FHIP1A: variants seen among roughly 807,000 people sequenced by gnomAD.
The protein encoded by FHIP1A is FHF complex subunit HOOK-interacting protein 1A.
In FHIP1A, 61 loss-of-function variants were observed where a neutral mutation model predicts 88.6. The observed-to-expected ratio is 0.69, with a 90% CI of 0.56 to 0.85. The LOEUF is 0.85. FHIP1A is among the 40% of genes least tolerant of loss of function. FHIP1A has a pLI of 0.00. For missense variants in FHIP1A, 1,154 were observed against 1,273.5 expected (o/e 0.91, Z 1.43); for synonymous variants, 478 against 496.0 (o/e 0.96, Z 0.48).
chr4:151,472,806 A>G (rs909360631), intron 2 of FHIP1A, among the ~76,000 whole-genome samples: 1 of 152,152 alleles, frequency 6.6e-6, no homozygotes, highest in African/African-American at 2.4e-5. Context: ...GGGATTATAA[A>G]ACATGCAGCA....
In FHIP1A at chr4:151,422,196, T is replaced by C. The variant is rs902192273; in HGVS notation, c.-356+12731T>C. Among the ~76,000 whole-genome samples, 6 of 149,598 alleles carry C rather than the reference T, an allele frequency of 4.0e-5. No homozygotes were observed. The Admixed American group carries it at 4.0e-4, about 10-fold the overall frequency. Reference sequence around the variant, plus strand: ...AGAAAAAAAAAGAAGCAGTTGACCATTAACAAATATTTATGAGACATTAAA... The same window carrying C: ...AGAAAAAAAAAGAAGCAGTTGACCACTAACAAATATTTATGAGACATTAAA... On this transcript the variant is annotated intron_variant, in intron 1 of 13. Coordinates refer to ENST00000435205, the MANE Select transcript of FHIP1A (RefSeq NM_001109977.3).
chr4:151,573,580 T>C (rs905520489), intron 4 of FHIP1A, among the ~76,000 whole-genome samples: 1 of 152,118 alleles, frequency 6.6e-6, no homozygotes, highest in Non-Finnish European at 1.5e-5. Flanking sequence ...TTGTTTTTTT[T>C]CTCCTGAGCT....
chr4:151,603,249 G>T (rs1390915168), intron 7 of FHIP1A, among the ~76,000 whole-genome samples: 1 of 151,854 alleles, frequency 6.6e-6, no homozygotes, highest in Non-Finnish European at 1.5e-5. Flanking sequence ...GGAGGTGGAG[G>T]TTGCGGTGAG....
In FHIP1A at chr4:151,564,085, C is replaced by T. The variant is rs17027694; in HGVS notation, c.-122-2053C>T. Among the ~76,000 whole-genome samples, 962 of 152,312 alleles carry T rather than the reference C, an allele frequency of 6.3e-3. 8 individuals are homozygous for T. The highest frequency in any genetic ancestry group is 0.021 in the African/African-American group (876 of 41,566). On this transcript the variant is annotated intron_variant, in intron 3 of 13. Transcript: ENST00000435205. ...TATCCTGTCTATACTGCATTCTCAC[C>T]GTTTCTGAGAAGATTGCATGTAAAT...
Position 151,656,266 on chromosome 4 carries a change from G to C in FHIP1A, c.2586G>C (p.Glu862Asp), listed in dbSNP as rs1737229312. Residue 862 changes from glutamate to aspartate, a missense_variant, in exon 12 of 14, where the codon GAG becomes GAC. Coordinates refer to ENST00000435205, the MANE Select transcript of FHIP1A (RefSeq NM_001109977.3). This position sits in a 1 kb window ranked among gnomAD's most constrained non-coding sequence, Gnocchi z 4.2. Reference protein sequence around the residue: ...PFISVVLSKLENMLENSLHVN... With the variant: ...PFISVVLSKLDNMLENSLHVN... ...TCAGCGTAGTCCTGTCAAAGCTGGA[G>C]AACATGCTGGAGAACTCTTTACATG... 11 of 1,551,666 alleles carry C rather than the reference G, an allele frequency of 7.1e-6. No individual in the cohort carries two copies. Among genetic ancestry groups the C allele is most frequent in the Non-Finnish European group, 8.7e-6 (10 of 1,146,974 alleles).
At chr4:151,439,787 A>G (rs186468141) in intron 1 of FHIP1A, among the ~76,000 whole-genome samples, 1 of 152,304 alleles carries the variant, frequency 6.6e-6, no homozygotes, top group Admixed American at 6.5e-5. Flanking sequence ...TCTCTGGGGA[A>G]CTCATCACTT....
chr4:151,419,231 T>G (rs1733019138), intron 1 of FHIP1A, among the ~76,000 whole-genome samples: 1 of 152,192 alleles, frequency 6.6e-6, no homozygotes, highest in African/African-American at 2.4e-5. Context: ...ACAAAAAGAC[T>G]GAGTAAGGGA....
rs1292492275 is a variant in FHIP1A at position 151,656,872 on chromosome 4, A to G, written c.2843A>G (p.Asp948Gly). 6.4e-6 allele frequency: 10 copies of G among 1,551,506 alleles called. No homozygotes were observed. Among genetic ancestry groups the G allele is most frequent in the African/African-American group, 1.4e-5 (1 of 73,022 alleles). ...QYLLFRVDMS[D>G]MTPAALTKDP... ...CTGCTCTTCCGTGTGGACATGTCTG[A>G]TATGACCCCTGCAGCACTAACCAAA... is the stretch of plus-strand genomic sequence containing the variant. Residue 948 changes from aspartate to glycine, a missense_variant, in exon 13 of 14, where the codon GAT (aspartate) becomes GGT (glycine). Asp to Gly is a moderately conservative substitution (Grantham distance 94). Coordinates refer to ENST00000435205, the MANE Select transcript of FHIP1A (RefSeq NM_001109977.3). The surrounding 1 kb of genome is among the most constrained non-coding windows in gnomAD (Gnocchi z 4.2).
At chr4:151,601,696 T>C (rs192371506) in intron 7 of FHIP1A, among the ~76,000 whole-genome samples, 32 of 151,202 alleles carry the variant, frequency 2.1e-4, no homozygotes, top group Admixed American at 2.1e-3. Flanking sequence ...GGGTGTGCAG[T>C]GGAAGAGCAT....
intron 7 of FHIP1A, among the ~76,000 whole-genome samples, chr4:151,620,884 A>T (rs1366987631): frequency 6.6e-6 from 1 of 151,478 alleles, no homozygotes; most frequent in African/African-American, 2.4e-5. Flanking sequence ...AGAATAAAAA[A>T]AAAAAACCCC....
At chr4:151,616,637 A>T (rs2126856498) in intron 7 of FHIP1A, among the ~76,000 whole-genome samples, 1 of 151,396 alleles carries the variant, frequency 6.6e-6, no homozygotes, top group South Asian at 2.1e-4. Flanking sequence ...TTTTTAGTGG[A>T]GGCGGGGTTT....
intron 7 of FHIP1A, among the ~76,000 whole-genome samples, chr4:151,607,144 T>G (rs1450284268): frequency 6.6e-6 from 1 of 152,176 alleles, no homozygotes; most frequent in Non-Finnish European, 1.5e-5. Context: ...GAGCCATAAT[T>G]AAGGAGCCTG....
intron 3 of FHIP1A, among the ~76,000 whole-genome samples, chr4:151,502,269 ATCG>A (rs1730680638): frequency 6.6e-6 from 1 of 152,056 alleles, no homozygotes; most frequent in South Asian, 2.1e-4. Flanking sequence ...GTGAGCTGTG[ATCG>A]TACCACTGTG....
intron 3 of FHIP1A, among the ~76,000 whole-genome samples, chr4:151,521,651 G>C (rs1001150040): frequency 6.6e-6 from 1 of 152,048 alleles, no homozygotes; most frequent in Non-Finnish European, 1.5e-5. Flanking sequence ...GTAAATTGGA[G>C]GCTTCCTTTC....
intron 10 of FHIP1A, 102 bp downstream of exon 10, chr4:151,646,850 C>A: frequency 1.3e-6 from 1 of 750,662 alleles, no homozygotes. Context: ...TGTGGTGGGT[C>A]CCATTTCTCT....
At chr4:151,635,187 T>C (rs1461309276) in intron 8 of FHIP1A, among the ~76,000 whole-genome samples, 2 of 151,778 alleles carry the variant, frequency 1.3e-5, no homozygotes, top group African/African-American at 2.4e-5. Context: ...TTATCTCATA[T>C]TCATTAGGGT....
In FHIP1A at chr4:151,668,626, A is replaced by G; in HGVS notation, c.*5872A>G. Among the ~76,000 whole-genome samples the G allele has an allele frequency of 6.6e-6, 1 of 152,254 alleles. No individual in the cohort carries two copies. Among genetic ancestry groups the G allele is most frequent in the Non-Finnish European group, 1.5e-5 (1 of 68,046 alleles). Reference sequence around the variant, plus strand: ...TCCTTTCTAGACCCAGATGACCCAGAACGCAGAAGCCTAGTAGTTGGTATC... The same window carrying G: ...TCCTTTCTAGACCCAGATGACCCAGGACGCAGAAGCCTAGTAGTTGGTATC... On this transcript the variant is annotated 3_prime_UTR_variant, in exon 14 of 14. Coordinates refer to ENST00000435205, the MANE Select transcript of FHIP1A (RefSeq NM_001109977.3).
chr4:151,596,098 T>TG (rs1467403563), intron 7 of FHIP1A, among the ~76,000 whole-genome samples: 1 of 152,238 alleles, frequency 6.6e-6, no homozygotes, highest in East Asian at 1.9e-4. Flanking sequence ...GCCCATTAGT[T>TG]GATGCAGTTT....
Position 151,656,135 on chromosome 4 carries a change from G to A in FHIP1A, c.2552-97G>A, listed in dbSNP as rs1737223178. The stretch of plus-strand genomic sequence containing the variant: ...TCTGGCTTGCACCTGTGGGCCCATG[G>A]TGGTTTGGGAGATGTGGCACCGATG... On this transcript the variant is annotated intron_variant, in intron 11 of 13. Coordinates refer to ENST00000435205, the MANE Select transcript of FHIP1A (RefSeq NM_001109977.3). The surrounding 1 kb of genome is among the most constrained non-coding windows in gnomAD (Gnocchi z 4.2). 2 of 968,358 alleles carry A rather than the reference G, an allele frequency of 2.1e-6. No individual in the cohort carries two copies. The highest frequency in any genetic ancestry group is 2.3e-5 in the Admixed American group (1 of 43,820). The allele number at this position is 968,358 out of a possible 1,614,324, so 60.0% of individuals were successfully genotyped here.
Sources: gnomAD v4.1 joint callset for allele counts (sites outside exome capture counted in the v4.1 genomes callset) on GRCh38, gnomAD v4.1.1 for gene constraint, Gnocchi (gnomAD v3.1) non-coding constraint, MANE v1.5 for transcripts, NCBI Gene and HGNC (gene_info 2026-07-23, HGNC 2026-07-21) for gene names.